ARHGAP21: variants seen among roughly 807,000 people sequenced by gnomAD.
ARHGAP21 encodes Rho GTPase activating protein 21.
A neutral mutation model predicts 164.6 loss-of-function variants in ARHGAP21; 38 were observed. That is an observed-to-expected ratio of 0.23 (90% confidence interval 0.18 to 0.30). ARHGAP21 has a LOEUF of 0.30. ARHGAP21 is among the 10% of genes least tolerant of loss of function. The pLI is 1.00. For synonymous variants in ARHGAP21, 766 were observed against 857.9 expected, an observed-to-expected ratio of 0.89 and a Z score of 1.87; for missense variants, 1,822 against 2,370.7, an observed-to-expected ratio of 0.77 and a Z score of 4.81.
In ARHGAP21 at chr10:24,593,785, G is replaced by C. The variant is rs535962171; in HGVS notation, c.3876+1165C>G. On this transcript the variant is annotated intron_variant, in intron 21 of 25. Transcript: ENST00000396432. ...TTTCAGAAAATACTGAAATTAATTA[G>C]AGACTATTTCAGCTATAATTATATT... Among the ~76,000 whole-genome samples the C allele has an allele frequency of 3.4e-4, 52 of 152,148 alleles. 1 individual carries two copies. In the Middle Eastern group the frequency reaches 0.01, roughly 30 times the overall value.
chr10:24,678,056 G>C (rs1411052396), intron 2 of ARHGAP21, among the ~76,000 whole-genome samples: 1 of 151,630 alleles, frequency 6.6e-6, no homozygotes, highest in African/African-American at 2.4e-5. Flanking sequence ...GAGCCCAGGA[G>C]TTCGAGACCA....
intron 24 of ARHGAP21, chr10:24,590,482 G>A (rs1564955988): frequency 2.6e-6 from 4 of 1,535,090 alleles, no homozygotes; most frequent in Non-Finnish European, 8.7e-7. Context: ...CACTTCGCCT[G>A]TTCAACATCA....
At chr10:24,720,027 T>A (rs1845775025) in intron 2 of ARHGAP21, among the ~76,000 whole-genome samples, 1 of 152,188 alleles carries the variant, frequency 6.6e-6, no homozygotes, top group East Asian at 1.9e-4. Context: ...ATATTTCACA[T>A]AAGCAAAACA....
chr10:24,665,672 T>C (rs1328308365), intron 4 of ARHGAP21, among the ~76,000 whole-genome samples: 1 of 152,202 alleles, frequency 6.6e-6, no homozygotes, highest in Non-Finnish European at 1.5e-5. Context: ...CACATCTTAA[T>C]TGGGATAGTG....
At chr10:24,603,439 G>C (rs995113903) in intron 12 of ARHGAP21, among the ~76,000 whole-genome samples, 2 of 152,164 alleles carry the variant, frequency 1.3e-5, no homozygotes, top group African/African-American at 4.8e-5. Flanking sequence ...GTTTTTTCAA[G>C]GGGTTCTGCT....
chr10:24,696,328 G>A (rs1843173641), intron 2 of ARHGAP21, among the ~76,000 whole-genome samples: 1 of 152,162 alleles, frequency 6.6e-6, no homozygotes, highest in Admixed American at 6.5e-5. Context: ...TCTGCAGGGG[G>A]TCCTCCCCGA....
At chr10:24,685,976 T>C (rs187759551) in intron 2 of ARHGAP21, among the ~76,000 whole-genome samples, 2 of 152,220 alleles carry the variant, frequency 1.3e-5, no homozygotes, top group Non-Finnish European at 2.9e-5. Flanking sequence ...GGAATTCACA[T>C]ATACTTCACT....
chr10:24,597,068 G>A lies in ARHGAP21; in HGVS notation c.3335-186C>T, dbSNP rs955869940. Among the ~76,000 whole-genome samples the A allele has an allele frequency of 3.7e-5, 4 of 109,382 alleles. No individual in the cohort carries two copies. The South Asian group carries it at 1.1e-3, about 29-fold the overall frequency. The allele number at this position is 109,382 out of a possible 152,430, so 71.8% of individuals were successfully genotyped here. A position where few individuals can be genotyped will look rare whatever the true frequency, so the allele number is the denominator to read the frequency against. ...TTTACTTCATTCTTTTATAATGCGT[G>A]CTATAATTTTCTTTAAAACAGCAAA... On this transcript the variant is annotated intron_variant, in intron 16 of 25. Coordinates refer to ENST00000396432, the MANE Select transcript of ARHGAP21 (RefSeq NM_020824.4).
intron 2 of ARHGAP21, among the ~76,000 whole-genome samples, chr10:24,697,022 C>T (rs1190679293): frequency 1.3e-5 from 2 of 152,152 alleles, no homozygotes; most frequent in Non-Finnish European, 2.9e-5. Flanking sequence ...TTTAACATTC[C>T]AAGTCAATGA....
At chr10:24,591,449 C>T (rs1027162453) in intron 23 of ARHGAP21, 119 bp from the exon 24 acceptor site, 1 of 1,113,674 alleles carries the variant, frequency 9.0e-7, no homozygotes, top group Non-Finnish European at 1.3e-6. Flanking sequence ...AATGTGTTTA[C>T]ATTGTTTACG....
At chr10:24,686,188 T>C (rs554049864) in intron 2 of ARHGAP21, among the ~76,000 whole-genome samples, 1 of 152,264 alleles carries the variant, frequency 6.6e-6, no homozygotes, top group Admixed American at 6.5e-5. Flanking sequence ...CCCAGCACTT[T>C]GGGAAGCCGA....
intron 4 of ARHGAP21, chr10:24,640,411 T>A (rs1024417995): frequency 6.6e-6 from 1 of 151,974 alleles, no homozygotes; most frequent in African/African-American, 2.4e-5. Flanking sequence ...TTAAACCAAA[T>A]CTCTGCTTTT....
chr10:24,699,553 G>A (rs1223490962), intron 2 of ARHGAP21, among the ~76,000 whole-genome samples: 1 of 152,114 alleles, frequency 6.6e-6, no homozygotes, highest in Non-Finnish European at 1.5e-5. Flanking sequence ...TCCAACTCCT[G>A]ACCTCAGGTG....
chr10:24,723,102 GGA>G (rs1168397840), intron 1 of ARHGAP21: 3 of 151,726 alleles, frequency 2.0e-5, no homozygotes, highest in Non-Finnish European at 4.4e-5. Flanking sequence ...GCCCCAATAT[GGA>G]CTTTCTCAAA....
At chr10:24,701,306 G>A (rs1593336226) in intron 2 of ARHGAP21, among the ~76,000 whole-genome samples, 1 of 152,052 alleles carries the variant, frequency 6.6e-6, no homozygotes, top group African/African-American at 2.4e-5. Flanking sequence ...TTTCCAGTTC[G>A]AAGGATCCAA....
intron 17 of ARHGAP21, 138 bp downstream of exon 17, chr10:24,596,598 ATACT>A: frequency 8.9e-7 from 1 of 1,120,236 alleles, no homozygotes; most frequent in Non-Finnish European, 1.3e-6. Flanking sequence ...CAGGTCAGAA[ATACT>A]TAGGGAAACT....
intron 2 of ARHGAP21, among the ~76,000 whole-genome samples, chr10:24,697,681 A>AC (rs1488900613): frequency 1.3e-5 from 2 of 151,768 alleles, no homozygotes; most frequent in African/African-American, 2.4e-5. Flanking sequence ...ACACGGTGAA[A>AC]CCCCGTCTCT....
intron 21 of ARHGAP21, among the ~76,000 whole-genome samples, chr10:24,593,878 T>TTC (rs1010702798): frequency 6.7e-6 from 1 of 150,304 alleles, no homozygotes; most frequent in Non-Finnish European, 1.5e-5. Flanking sequence ...CTTTCTCTCT[T>TTC]TTTTTTTTTC....
intron 8 of ARHGAP21, 21 bp from the exon 9 acceptor site, chr10:24,621,390 G>T: frequency 6.5e-7 from 1 of 1,532,682 alleles, no homozygotes; most frequent in Non-Finnish European, 8.8e-7. Flanking sequence ...ATGAGAGGAA[G>T]GTGTCACTGG....
Sources: allele counts gnomAD v4.1 joint callset (sites outside exome capture counted in the v4.1 genomes callset), GRCh38; gene constraint gnomAD v4.1.1; transcripts MANE v1.5; gene names NCBI Gene and HGNC (gene_info 2026-07-23, HGNC 2026-07-21).